Variants in NSD2 observed in about 807,000 individuals in gnomAD.
NSD2 encodes nuclear receptor binding SET domain protein 2, also known as histone-lysine N-methyltransferase NSD2.
Under a neutral mutation model 139.0 loss-of-function variants are expected in NSD2, and 12 were observed. The ratio of observed to expected loss-of-function variants is 0.09; its 90% CI spans 0.06 to 0.14. NSD2 has a LOEUF of 0.14. Ranked by LOEUF, NSD2 falls within the 10% of genes least tolerant of loss-of-function variation. The pLI is 1.00. For synonymous variants in NSD2, 669 were observed against 648.7 expected (o/e 1.03, Z -0.48); for missense variants, 1,155 against 1,745.0 (o/e 0.66, Z 6.02).
Position 1,942,822 on chromosome 4 carries a change from G to A in NSD2, c.1881+3044G>A, listed in dbSNP as rs1178960364. ...AGAAACAAACTAACAGCACACGTTA[G>A]GAGGAGTCCTCATCAGCTGTTCTCA... On this transcript the variant is annotated intron_variant, in intron 9 of 21. Transcript: ENST00000508803. The surrounding 1 kb of genome is among the most constrained non-coding windows in gnomAD (Gnocchi z 4.0). 1.9e-6 allele frequency: 2 copies of A among 1,072,058 alleles called. No homozygotes were observed. The highest frequency in any genetic ancestry group is 3.3e-5 in the African/African-American group (2 of 61,012). 66.4% of individuals were successfully genotyped at this position (1,072,058 alleles called of 1,614,324 possible).
intron 18 of NSD2, among the ~76,000 whole-genome samples, chr4:1,971,913 C>G (rs1027814690): frequency 3.9e-5 from 6 of 152,218 alleles, no homozygotes; most frequent in Non-Finnish European, 5.9e-5. Flanking sequence ...GCTTAGCTTG[C>G]TAAAAGACAT....
chr4:1,981,787 A>G lies in NSD2; in HGVS notation c.*2878A>G, dbSNP rs549922148. ...AGAATTAAACCTGTTTTATAATTCA[A>G]GTTAATGCAAATGACTGTCAGTTGC... On this transcript the variant is annotated 3_prime_UTR_variant, in exon 22 of 22. Transcript: ENST00000508803. The G allele has an allele frequency of 9.1e-4, 363 of 398,616 alleles. 2 individuals carry two copies. Among genetic ancestry groups the G allele is most frequent in the Admixed American group, 2.8e-3 (63 of 22,744 alleles). The allele number at this position is 398,616 out of a possible 1,614,324, so 24.7% of individuals were successfully genotyped here.
chr4:1,953,238 G>T (rs558879756), intron 11 of NSD2, 86 bp from the exon 12 acceptor site: 4 of 1,609,304 alleles, frequency 2.5e-6, no homozygotes, highest in Non-Finnish European at 3.4e-6. Context: ...CTGAAGAGGA[G>T]TTGCTTGATT....
At chr4:1,904,485 T>G (rs1717624344) in intron 3 of NSD2, 107 bp downstream of exon 3, 2 of 1,259,088 alleles carry the variant, frequency 1.6e-6, no homozygotes, top group South Asian at 3.1e-5. Context: ...TATGGTTCAT[T>G]TTTGCAGCTT....
intron 1 of NSD2, among the ~76,000 whole-genome samples, chr4:1,896,446 G>A (rs1560579705): frequency 6.6e-6 from 1 of 152,234 alleles, no homozygotes; most frequent in Non-Finnish European, 1.5e-5. Flanking sequence ...ACAGCTCACT[G>A]CAGTGTCAAC....
At chr4:1,892,653 C>G (rs542757361) in intron 1 of NSD2, 20 of 151,184 alleles carry the variant, frequency 1.3e-4, no homozygotes, top group African/African-American at 4.7e-4. Flanking sequence ...TCATTGTAAC[C>G]TCCGCCTCGG....
rs1414784194 is a variant in NSD2, at chr4:1,973,658, AG to A, written c.3373-1201del. Among the ~76,000 whole-genome samples, 1 of 152,250 alleles carries A rather than the reference AG, an allele frequency of 6.6e-6. No individual in the cohort carries two copies. Among genetic ancestry groups the A allele is most frequent in the Non-Finnish European group, 1.5e-5 (1 of 68,034 alleles). ...GGACACGGGGCCAGCGGTCCCAGAC[AG>A]GGGCACCCTGGGAGATTGCACCAGG... On this transcript the variant is annotated intron_variant, in intron 18 of 21. Transcript: ENST00000508803. The surrounding 1 kb of genome is among the most constrained non-coding windows in gnomAD (Gnocchi z 5.5).
At position 1,977,619 on chromosome 4, in the gene NSD2, T is replaced by C. The variant is rs747026813; in HGVS notation, c.3826+940T>C. Among the ~76,000 whole-genome samples the C allele has an allele frequency of 1.1e-4, 16 of 151,476 alleles. 1 individual carries two copies. The highest frequency in any genetic ancestry group is 2.2e-4 in the Non-Finnish European group (15 of 67,924). On this transcript the variant is annotated intron_variant, in intron 21 of 21. Transcript: ENST00000508803. ...GGTGAAACCCCGTCTCTACTAAAAA[T>C]ACAAAAATTAGACTGGTGTGGTGGC...
At chr4:1,889,086 C>A (rs910223554) in intron 1 of NSD2, among the ~76,000 whole-genome samples, 13 of 150,092 alleles carry the variant, frequency 8.7e-5, no homozygotes, top group African/African-American at 3.2e-4. Flanking sequence ...TTAGTAGAGA[C>A]GAGGTTTCGC....
chr4:1,874,177 TGG>T (rs1358165992), intron 1 of NSD2, among the ~76,000 whole-genome samples: 3 of 152,238 alleles, frequency 2.0e-5, no homozygotes, highest in Non-Finnish European at 4.4e-5. Flanking sequence ...TGTTTTTTGG[TGG>T]GCTGCTCATG....
chr4:1,901,969 C>T (rs890333764), intron 2 of NSD2, among the ~76,000 whole-genome samples: 2 of 152,144 alleles, frequency 1.3e-5, no homozygotes. Flanking sequence ...ACGTGGCACT[C>T]GGGATGGCCC....
intron 1 of NSD2, among the ~76,000 whole-genome samples, chr4:1,894,863 G>GT (rs1443135240): frequency 6.6e-6 from 1 of 152,034 alleles, no homozygotes; most frequent in African/African-American, 2.4e-5. Context: ...CATTCACATT[G>GT]TTATACAACC....
intron 16 of NSD2, among the ~76,000 whole-genome samples, chr4:1,959,193 A>G (rs1245564392): frequency 6.6e-6 from 1 of 152,220 alleles, no homozygotes; most frequent in Non-Finnish European, 1.5e-5. Flanking sequence ...CTGGCTGGAT[A>G]CGTGTCAGCT....
rs1422088551 is a variant in NSD2 at position 1,979,453 on chromosome 4, T to C, written c.*544T>C. On this transcript the variant is annotated 3_prime_UTR_variant, in exon 22 of 22. Transcript: ENST00000508803. Reference sequence around the variant, plus strand: ...TGGCTGTATCATTTTTTTGTACTAATGTGAATTGTTCCTCAGAAACGCTTC... The same window carrying C: ...TGGCTGTATCATTTTTTTGTACTAACGTGAATTGTTCCTCAGAAACGCTTC... 1.3e-5 allele frequency: 3 copies of C among 233,278 alleles called. No homozygotes were observed. The highest frequency in any genetic ancestry group is 6.6e-5 in the African/African-American group (3 of 45,336). 14.5% of individuals were successfully genotyped at this position (233,278 alleles called of 1,614,324 possible).
chr4:1,951,273 T>C lies in NSD2; in HGVS notation c.2013+70T>C, dbSNP rs922930395. On this transcript the variant is annotated intron_variant, in intron 10 of 21. Transcript: ENST00000508803. ...TGGGGCCCCGGTACGCAGAGCGAAT[T>C]TGTAGTGTCTTTTCCCTTCCCACCA... The C allele has an allele frequency of 2.5e-6, 4 of 1,597,264 alleles. No individual in the cohort carries two copies. The African/African-American group carries it at 5.4e-5, about 21-fold the overall frequency.
rs770028586 is a variant in NSD2, at chr4:1,900,817, A to G, written c.163A>G (p.Ser55Gly). 6 of 1,614,158 alleles carry G rather than the reference A, an allele frequency of 3.7e-6. No individual in the cohort carries two copies. Among genetic ancestry groups the G allele is most frequent in the Admixed American group, 3.3e-5 (2 of 60,016 alleles). Residue 55 changes from serine (S) to glycine (G), a missense_variant, in exon 2 of 22, where the codon AGT becomes GGT. By Grantham distance (56) the Ser-to-Gly change is moderately conservative. Transcript: ENST00000508803. ...SVFLSKAQLS[S>G]SLQEGVMQKF... is the part of the protein sequence containing the mutation. ...GTTCCTCAGCAAAGCCCAGCTCTCC[A>G]GTAGCCTGCAGGAGGGGGTCATGCA...
At chr4:1,871,632 G>A (rs1268337957) in intron 1 of NSD2, 90 bp downstream of exon 1, 1 of 149,796 alleles carries the variant, frequency 6.7e-6, no homozygotes, top group Non-Finnish European at 1.5e-5. Flanking sequence ...GAGGGGCGGC[G>A]GGGAGGACCG....
chr4:1,933,621 C>T (rs947598451), intron 6 of NSD2, among the ~76,000 whole-genome samples: 1 of 152,030 alleles, frequency 6.6e-6, no homozygotes, highest in Non-Finnish European at 1.5e-5. Flanking sequence ...GTCTCGATCT[C>T]CTGACCTCGT....
chr4:1,887,759 A>G (rs1715225709), intron 1 of NSD2: 1 of 152,128 alleles, frequency 6.6e-6, no homozygotes, highest in Non-Finnish European at 1.5e-5. Context: ...GATAATATTT[A>G]CTTGTATGAC....
Sources: gnomAD v4.1 joint callset for allele counts (sites outside exome capture counted in the v4.1 genomes callset) on GRCh38, gnomAD v4.1.1 for gene constraint, Gnocchi (gnomAD v3.1) non-coding constraint, MANE v1.5 for transcripts, NCBI Gene and HGNC (gene_info 2026-07-23, HGNC 2026-07-21) for gene names.